The following PAK1 variants were observed in gnomAD, a reference collection of about 807,000 sequenced individuals.
PAK1 encodes the protein p21 (RAC1) activated kinase 1.
A neutral mutation model predicts 67.4 loss-of-function variants in PAK1; 29 were observed. The observed-to-expected ratio is 0.43, with a 90% CI of 0.32 to 0.59. The LOEUF (loss-of-function observed/expected upper bound fraction) is 0.59, where lower values mean the gene tolerates loss of function less well. PAK1 is among the 20% of genes least tolerant of loss of function. The pLI, the probability that PAK1 is intolerant of heterozygous loss-of-function variation, is 0.07. For synonymous variants in PAK1, 223 were observed against 237.4 expected (o/e 0.94, Z 0.56); for missense variants, 337 against 670.7 (o/e 0.50, Z 5.50).
At chr11:77,326,528 T>C (rs1202495393) in intron 14 of PAK1, among the ~76,000 whole-genome samples, 1 of 151,950 alleles carries the variant, frequency 6.6e-6, no homozygotes, top group African/African-American at 2.4e-5. Context: ...TTACAAAAAA[T>C]AGAAAAATTA....
chr11:77,370,453 G>A (rs1948280202), intron 5 of PAK1, among the ~76,000 whole-genome samples: 1 of 152,184 alleles, frequency 6.6e-6, no homozygotes, highest in South Asian at 2.1e-4. Context: ...GGAGGAGGCT[G>A]CCCCTACTGT....
rs1397119820 is a variant in PAK1 at position 77,413,815 on chromosome 11, A to T, written c.-21-21274T>A. Among the ~76,000 whole-genome samples the T allele has an allele frequency of 2.0e-5, 3 of 152,220 alleles. No homozygotes were observed. In the East Asian group the frequency reaches 5.8e-4, roughly 29 times the overall value. ...GAGGATTCAGCTTCAAAGTCATTTT[A>T]AGACTTTTTTTTAACCCCACACCAT... On this transcript the variant is annotated intron_variant, in intron 1 of 14. Coordinates refer to ENST00000356341, the MANE Select transcript of PAK1 (RefSeq NM_002576.5).
intron 11 of PAK1, among the ~76,000 whole-genome samples, chr11:77,338,126 T>C (rs1485710314): frequency 6.6e-6 from 1 of 152,158 alleles, no homozygotes; most frequent in Non-Finnish European, 1.5e-5. Flanking sequence ...AATGCCTGGT[T>C]CTGCTGCTAC....
In PAK1 at chr11:77,332,881, TG is replaced by T. The variant is rs758561236; in HGVS notation, c.1414-15del. On this transcript the variant is annotated splice_polypyrimidine_tract_variant and intron_variant, in intron 13 of 14. Coordinates refer to ENST00000356341, the MANE Select transcript of PAK1 (RefSeq NM_002576.5). The stretch of plus-strand genomic sequence containing the variant: ...GAGGTACAAGGCCTGGCAATAAAAA[TG>T]GTGAATCACCTTGAGCTCCAAATGA... 4 of 1,612,852 alleles carry T rather than the reference TG, an allele frequency of 2.5e-6. No individual in the cohort carries two copies. Among genetic ancestry groups the T allele is most frequent in the Non-Finnish European group, 3.4e-6 (4 of 1,179,006 alleles).
intron 1 of PAK1, among the ~76,000 whole-genome samples, chr11:77,466,542 G>A (rs1957604756): frequency 6.6e-6 from 1 of 151,962 alleles, no homozygotes; most frequent in African/African-American, 2.4e-5. Context: ...GGCAGAGCTT[G>A]CGGTGAGCCG....
At chr11:77,411,756 A>T (rs1409468828) in intron 1 of PAK1, 1 of 152,238 alleles carries the variant, frequency 6.6e-6, no homozygotes, top group Non-Finnish European at 1.5e-5. Context: ...GGGGAGCCCC[A>T]GGCAGGGCCG....
the PAK1 span, among the ~76,000 whole-genome samples, chr11:77,511,175 G>T: frequency 6.6e-6 from 1 of 152,172 alleles, no homozygotes; most frequent in Non-Finnish European, 1.5e-5. Flanking sequence ...AAGGGTTGAG[G>T]AAGGAACCTG....
chr11:77,463,529 T>C (rs1358640919), intron 1 of PAK1, among the ~76,000 whole-genome samples: 1 of 152,238 alleles, frequency 6.6e-6, no homozygotes, highest in Non-Finnish European at 1.5e-5. Flanking sequence ...ACTTGGAAAC[T>C]TGTATTAATC....
chr11:77,323,954 G>T (rs527861675), intron 14 of PAK1, among the ~76,000 whole-genome samples: 1 of 152,206 alleles, frequency 6.6e-6, no homozygotes, highest in African/African-American at 2.4e-5. Context: ...TCGCAATACT[G>T]CATTTTAGGA....
intron 1 of PAK1, among the ~76,000 whole-genome samples, chr11:77,422,738 A>G (rs1262225339): frequency 6.6e-6 from 1 of 152,196 alleles, no homozygotes; most frequent in East Asian, 1.9e-4. Flanking sequence ...AGTTCTAGTC[A>G]GTAAGTTTCT....
intron 1 of PAK1, among the ~76,000 whole-genome samples, chr11:77,406,774 C>T (rs1953635622): frequency 2.1e-5 from 3 of 144,474 alleles, no homozygotes; most frequent in South Asian, 2.1e-4. Context: ...GACAGAGATA[C>T]GATTTCAAAG....
chr11:77,340,829 T>C, intron 10 of PAK1, 66 bp from the exon 11 acceptor site: 2 of 887,268 alleles, frequency 2.3e-6, no homozygotes, highest in South Asian at 1.3e-5. Context: ...GCACTGGGTT[T>C]CAAAGGCTAA....
rs955238318 is a variant in PAK1, at chr11:77,331,799, T to TA, written c.1551+930dup. 4.2e-4 allele frequency among the ~76,000 whole-genome samples: 57 copies of TA among 136,648 alleles called. 1 individual carries two copies. Among genetic ancestry groups the TA allele is most frequent in the Admixed American group, 1.7e-3 (24 of 13,846 alleles). 89.6% of individuals were successfully genotyped at this position (136,648 alleles called of 152,430 possible). ...TTAAAAGTATAATAATAATAAAATG[T>TA]AAAAAAAAAAGAATTAAAAAAAAAG... On this transcript the variant is annotated intron_variant, in intron 14 of 14. Coordinates refer to ENST00000356341, the MANE Select transcript of PAK1 (RefSeq NM_002576.5).
chr11:77,414,452 C>T (rs1249433552), intron 1 of PAK1, among the ~76,000 whole-genome samples: 1 of 152,114 alleles, frequency 6.6e-6, no homozygotes, highest in Non-Finnish European at 1.5e-5. Flanking sequence ...GTGGCCTAGG[C>T]AATATATTTT....
At chr11:77,397,776 T>A (rs1952030480) in intron 1 of PAK1, among the ~76,000 whole-genome samples, 1 of 152,172 alleles carries the variant, frequency 6.6e-6, no homozygotes, top group Non-Finnish European at 1.5e-5. Context: ...GCACATAACA[T>A]CAAAGCCAAA....
At chr11:77,381,188 GAGAA>G (rs1394528974) in intron 2 of PAK1, among the ~76,000 whole-genome samples, 3 of 151,330 alleles carry the variant, frequency 2.0e-5, no homozygotes, top group African/African-American at 7.4e-5. Flanking sequence ...GAGAGAGAGA[GAGAA>G]AGAGAGACCA....
At chr11:77,521,688 C>T in the PAK1 span, among the ~76,000 whole-genome samples, 2 of 152,202 alleles carry the variant, frequency 1.3e-5, no homozygotes, top group African/African-American at 2.4e-5. Context: ...GTTATGCTTG[C>T]CAAGATTTGG....
At chr11:77,341,384 A>G (rs1219200158) in intron 10 of PAK1, among the ~76,000 whole-genome samples, 2 of 152,240 alleles carry the variant, frequency 1.3e-5, no homozygotes, top group African/African-American at 4.8e-5. Flanking sequence ...CATAGTCATT[A>G]TGCTGACAAT....
At chr11:77,435,118 C>CCAA (rs1555171418) in intron 1 of PAK1, among the ~76,000 whole-genome samples, 1 of 128,666 alleles carries the variant, frequency 7.8e-6, no homozygotes, top group South Asian at 2.5e-4. Flanking sequence ...TGTGAATATA[C>CCAA]AAAAAAAAAA....
Sources: allele counts gnomAD v4.1 joint callset (sites outside exome capture counted in the v4.1 genomes callset), GRCh38; gene constraint gnomAD v4.1.1; transcripts MANE v1.5; gene names NCBI Gene and HGNC (gene_info 2026-07-23, HGNC 2026-07-21).